The following ZNF675 variants were observed in gnomAD, a reference collection of about 807,000 sequenced individuals.
The protein encoded by ZNF675 is TRAF6 inhibitory zinc finger.
ZNF675 carries 36 observed loss-of-function variants against 56.1 expected under a neutral mutation model. The observed-to-expected ratio is 0.64, with a 90% CI of 0.49 to 0.85. ZNF675 has a LOEUF of 0.85. Ranked by LOEUF, ZNF675 falls within the 40% of genes least tolerant of loss-of-function variation. ZNF675 has a pLI of 0.00. For synonymous variants in ZNF675, 200 were observed against 218.9 expected, an observed-to-expected ratio of 0.91 and a Z score of 0.76; for missense variants, 663 against 654.2, an observed-to-expected ratio of 1.01 and a Z score of -0.15.
At chr19:23,676,802 C>T (rs1228509283) in intron 1 of ZNF675, among the ~76,000 whole-genome samples, 1 of 150,876 alleles carries the variant, frequency 6.6e-6, no homozygotes, top group Admixed American at 6.6e-5. Flanking sequence ...CGGCCGGGCG[C>T]GGTGGCTCAC....
rs755068192 is a variant in ZNF675 at position 23,684,659 on chromosome 19, A to G, written c.3+2372T>C. Among the ~76,000 whole-genome samples the G allele has an allele frequency of 1.8e-4, 27 of 152,062 alleles. 1 individual carries two copies. Among genetic ancestry groups the G allele is most frequent in the Non-Finnish European group, 2.4e-4 (16 of 67,964 alleles). On this transcript the variant is annotated intron_variant, in intron 1 of 3. Transcript: ENST00000359788. ...AACCCCATCTCAAAAAAAAAAGAAAACAGGTGTGTCTAATTCATGTGTCAA... is the reference window on the plus strand; with the variant it reads ...AACCCCATCTCAAAAAAAAAAGAAAGCAGGTGTGTCTAATTCATGTGTCAA...
intron 3 of ZNF675, among the ~76,000 whole-genome samples, chr19:23,657,677 A>G (rs1968005901): frequency 6.6e-6 from 1 of 152,178 alleles, no homozygotes; most frequent in African/African-American, 2.4e-5. Context: ...AGATCACACC[A>G]CTGCACTCCA....
chr19:23,662,233 C>G, intron 2 of ZNF675, 24 bp from the exon 3 acceptor site: 1 of 1,552,368 alleles, frequency 6.4e-7, no homozygotes, highest in Non-Finnish European at 8.9e-7. Context: ...AAATAAATAA[C>G]ATTAATTTTG....
chr19:23,671,036 A>G (rs1399854133), intron 1 of ZNF675, among the ~76,000 whole-genome samples: 1 of 152,212 alleles, frequency 6.6e-6, no homozygotes, highest in African/African-American at 2.4e-5. Flanking sequence ...GAGAAAGGGA[A>G]TAACTAAGGC....
chr19:23,675,889 C>CA (rs1028268873), intron 1 of ZNF675, among the ~76,000 whole-genome samples: 3 of 139,822 alleles, frequency 2.1e-5, no homozygotes, highest in African/African-American at 8.1e-5. Context: ...TAAAAAACTA[C>CA]AAAAAAGACT....
At chr19:23,684,281 A>C (rs1349545205) in intron 1 of ZNF675, among the ~76,000 whole-genome samples, 1 of 151,036 alleles carries the variant, frequency 6.6e-6, no homozygotes, top group African/African-American at 2.4e-5. Flanking sequence ...AAAAAAAAAA[A>C]ACTAAAGTCA....
At chr19:23,661,738 C>T (rs1040773092) in intron 3 of ZNF675, among the ~76,000 whole-genome samples, 1 of 151,998 alleles carries the variant, frequency 6.6e-6, no homozygotes, top group Non-Finnish European at 1.5e-5. Flanking sequence ...ACTTCTCATA[C>T]GTTTCAGACA....
intron 2 of ZNF675, among the ~76,000 whole-genome samples, 191 bp from the exon 3 acceptor site, chr19:23,662,400 T>C (rs1223291529): frequency 1.3e-5 from 2 of 152,226 alleles, no homozygotes; most frequent in East Asian, 3.9e-4. Context: ...CACTACCCAG[T>C]ACTACTGAAT....
At chr19:23,673,823 G>C (rs1414146365) in intron 1 of ZNF675, among the ~76,000 whole-genome samples, 1 of 151,838 alleles carries the variant, frequency 6.6e-6, no homozygotes, top group African/African-American at 2.4e-5. Context: ...ATGTATCCCA[G>C]AACTTAAAGT....
chr19:23,660,431 A>T (rs1459653546), intron 3 of ZNF675, among the ~76,000 whole-genome samples: 1 of 152,228 alleles, frequency 6.6e-6, no homozygotes, highest in Admixed American at 6.5e-5. Context: ...GAAGACACAT[A>T]AGTAAAAAGT....
In ZNF675 at chr19:23,663,169, C is replaced by T; in HGVS notation, c.4-11G>A. Reference sequence around the variant, plus strand: ...AAATGTCAACAGTCCCTGAAAAACACATACACACAAACATATTCACCAGGT... The same window carrying T: ...AAATGTCAACAGTCCCTGAAAAACATATACACACAAACATATTCACCAGGT... On this transcript the variant is annotated splice_polypyrimidine_tract_variant and intron_variant, in intron 1 of 3. Transcript: ENST00000359788. The T allele has an allele frequency of 1.3e-6, 2 of 1,597,418 alleles. No individual in the cohort carries two copies. The highest frequency in any genetic ancestry group is 2.2e-5 in the South Asian group (2 of 89,054).
At chr19:23,660,163 C>T (rs1968056809) in intron 3 of ZNF675, among the ~76,000 whole-genome samples, 1 of 151,870 alleles carries the variant, frequency 6.6e-6, no homozygotes, top group East Asian at 1.9e-4. Context: ...GACCCTAGTG[C>T]AGACCCAGCA....
At chr19:23,681,331 G>C (rs183343321) in intron 1 of ZNF675, among the ~76,000 whole-genome samples, 1 of 151,838 alleles carries the variant, frequency 6.6e-6, no homozygotes, top group East Asian at 1.9e-4. Flanking sequence ...TCAATGTCTA[G>C]TGGGTGTGTT....
chr19:23,666,676 A>G (rs1968154437), intron 1 of ZNF675, among the ~76,000 whole-genome samples: 1 of 151,314 alleles, frequency 6.6e-6, no homozygotes, highest in African/African-American at 2.4e-5. Flanking sequence ...TCTACTGGTA[A>G]CTTATTTTGG....
At position 23,654,648 on chromosome 19, in the gene ZNF675, A is replaced by T. The variant is rs1262279863; in HGVS notation, c.285T>A (p.Phe95Leu). The T allele has an allele frequency of 3.1e-6, 5 of 1,596,492 alleles. No individual in the cohort carries two copies. Among genetic ancestry groups the T allele is most frequent in the Non-Finnish European group, 4.3e-6 (5 of 1,173,592 alleles). The change falls in exon 4 of 4, where the codon TTT becomes TTA. Residue 95 changes from phenylalanine (F) to leucine (L), a missense_variant. Coordinates refer to ENST00000359788, the MANE Select transcript of ZNF675 (RefSeq NM_138330.3). ...CATATCTTCTCAGTGTCACTTTTTC[A>T]AAAGAATCTTTTATGTTCTGCTCTG... ...FWPEQNIKDS[F>L]EKVTLRRYEK...
At chr19:23,669,666 G>A (rs889468166) in intron 1 of ZNF675, among the ~76,000 whole-genome samples, 1 of 152,042 alleles carries the variant, frequency 6.6e-6, no homozygotes, top group Non-Finnish European at 1.5e-5. Context: ...AAGGTCAGGA[G>A]TTCGAGACCT....
At chr19:23,666,660 A>G (rs2144934101) in intron 1 of ZNF675, among the ~76,000 whole-genome samples, 1 of 152,316 alleles carries the variant, frequency 6.6e-6, no homozygotes. Flanking sequence ...CTTGCAGTCA[A>G]GACCCTCTAC....
At chr19:23,672,033 G>C (rs1363079388) in intron 1 of ZNF675, among the ~76,000 whole-genome samples, 1 of 152,064 alleles carries the variant, frequency 6.6e-6, no homozygotes, top group East Asian at 1.9e-4. Flanking sequence ...CTAGGTGATT[G>C]TGAGAGGGTT....
At chr19:23,667,234 G>A (rs1455053890) in intron 1 of ZNF675, among the ~76,000 whole-genome samples, 2 of 152,032 alleles carry the variant, frequency 1.3e-5, no homozygotes, top group African/African-American at 4.8e-5. Flanking sequence ...CTGGCTTCAG[G>A]AGTGAAGCTG....
Sources: allele counts gnomAD v4.1 joint callset (sites outside exome capture counted in the v4.1 genomes callset), GRCh38; gene constraint gnomAD v4.1.1; transcripts MANE v1.5; gene names NCBI Gene and HGNC (gene_info 2026-07-23, HGNC 2026-07-21).